The following IKZF2 variants were observed in gnomAD, a reference collection of about 807,000 sequenced individuals.
IKZF2 encodes the protein IKAROS family zinc finger 2.
In IKZF2, 15 loss-of-function variants were observed where a neutral mutation model predicts 49.2. The observed-to-expected ratio is 0.30, with a 90% CI of 0.20 to 0.47. IKZF2 has a LOEUF of 0.47. Ranked by LOEUF, IKZF2 falls within the 20% of genes least tolerant of loss-of-function variation. IKZF2 has a pLI of 1.00. For synonymous variants in IKZF2, 227 were observed against 221.4 expected, an observed-to-expected ratio of 1.03 and a Z score of -0.23; for missense variants, 567 against 664.6, an observed-to-expected ratio of 0.85 and a Z score of 1.61.
chr2:213,100,072 C>G (rs10187830), intron 4 of IKZF2, among the ~76,000 whole-genome samples: 53,574 of 151,926 alleles, frequency 0.35, 11,844 homozygotes, highest in East Asian at 0.73. Context: ...TGACACTAAG[C>G]ACATGGATAA....
At chr2:213,034,369 T>A (rs1698783973) in intron 6 of IKZF2, among the ~76,000 whole-genome samples, 1 of 152,254 alleles carries the variant, frequency 6.6e-6, no homozygotes. Flanking sequence ...GAGGCCTATC[T>A]TTTGGCATGT....
intron 4 of IKZF2, among the ~76,000 whole-genome samples, chr2:213,130,750 A>G (rs1336704457): frequency 6.6e-6 from 1 of 152,192 alleles, no homozygotes; most frequent in East Asian, 1.9e-4. Flanking sequence ...TTGCTTTCCT[A>G]TATATGCCAG....
chr2:213,001,293 T>C lies in IKZF2; in HGVS notation c.*6067A>G, dbSNP rs1193860752. Reference sequence around the variant, plus strand: ...TAATGTTAAAGCATTTTTCTCCCAATTAGGAGAAAGTTAAGACTCTTTGCT... The same window carrying C: ...TAATGTTAAAGCATTTTTCTCCCAACTAGGAGAAAGTTAAGACTCTTTGCT... On this transcript the variant is annotated 3_prime_UTR_variant, in exon 9 of 9. Transcript: ENST00000434687. 1.3e-5 allele frequency: 2 copies of C among 151,980 alleles called. No individual in the cohort carries two copies. Among genetic ancestry groups the C allele is most frequent in the Non-Finnish European group, 3.0e-5 (2 of 67,594 alleles). The allele number at this position is 151,980 out of a possible 1,614,324, so 9.4% of individuals were successfully genotyped here. A position where few individuals can be genotyped will look rare whatever the true frequency, so the allele number is the denominator to read the frequency against.
At chr2:213,039,377 T>G (rs1699388928) in intron 6 of IKZF2, among the ~76,000 whole-genome samples, 1 of 152,028 alleles carries the variant, frequency 6.6e-6, no homozygotes, top group South Asian at 2.1e-4. Flanking sequence ...ACTAAAAATG[T>G]TTTTTAGTTG....
At chr2:213,030,212 T>A (rs890836399) in intron 6 of IKZF2, among the ~76,000 whole-genome samples, 2 of 152,178 alleles carry the variant, frequency 1.3e-5, no homozygotes, top group Non-Finnish European at 2.9e-5. Flanking sequence ...TTTACTGTTT[T>A]AAGTTTTAAA....
intron 6 of IKZF2, among the ~76,000 whole-genome samples, chr2:213,046,908 T>A (rs1220170411): frequency 6.6e-6 from 1 of 152,040 alleles, no homozygotes; most frequent in Non-Finnish European, 1.5e-5. Context: ...ACAGAAACTA[T>A]GAACAGATTC....
chr2:213,023,222 A>G (rs1307087043), intron 6 of IKZF2, among the ~76,000 whole-genome samples: 1 of 152,200 alleles, frequency 6.6e-6, no homozygotes, highest in Non-Finnish European at 1.5e-5. Context: ...CCCTAACTCC[A>G]GTTAACTTAT....
chr2:213,083,970 C>A (rs1287630281), intron 4 of IKZF2, among the ~76,000 whole-genome samples: 1 of 152,060 alleles, frequency 6.6e-6, no homozygotes, highest in Admixed American at 6.5e-5. Context: ...AACCATCCCC[C>A]ACTAACCCTC....
intron 4 of IKZF2, among the ~76,000 whole-genome samples, chr2:213,103,382 T>C (rs558413481): frequency 1.3e-5 from 2 of 152,260 alleles, no homozygotes; most frequent in East Asian, 3.9e-4. Context: ...ATAAAAAGTA[T>C]TATATGAATA....
intron 4 of IKZF2, among the ~76,000 whole-genome samples, chr2:213,118,967 A>T (rs182146918): frequency 6.6e-6 from 1 of 152,338 alleles, no homozygotes; most frequent in East Asian, 1.9e-4. Flanking sequence ...ATAAAACAAC[A>T]GTAATCTATT....
chr2:213,060,402 C>T (rs980734464), intron 4 of IKZF2, among the ~76,000 whole-genome samples: 13 of 151,330 alleles, frequency 8.6e-5, no homozygotes, highest in African/African-American at 3.1e-4. Context: ...CTATTAACCA[C>T]TGTACAATAA....
At chr2:213,087,094 G>A (rs143326640) in intron 4 of IKZF2, among the ~76,000 whole-genome samples, 1 of 152,176 alleles carries the variant, frequency 6.6e-6, no homozygotes, top group East Asian at 1.9e-4. Context: ...CTTAGGTTTT[G>A]AAACAAAAGG....
At chr2:213,147,865 T>G in intron 3 of IKZF2, 53 bp from the exon 4 acceptor site, 1 of 1,364,342 alleles carries the variant, frequency 7.3e-7, no homozygotes. Flanking sequence ...ACATAAGATG[T>G]AATTACTAAC....
intron 4 of IKZF2, among the ~76,000 whole-genome samples, chr2:213,093,645 T>A (rs1413853343): frequency 6.6e-6 from 1 of 152,216 alleles, no homozygotes; most frequent in Non-Finnish European, 1.5e-5. Context: ...TAGAGCCTTG[T>A]CTGTTTTGTT....
At chr2:213,044,404 G>C (rs1037902600) in intron 6 of IKZF2, among the ~76,000 whole-genome samples, 2 of 152,268 alleles carry the variant, frequency 1.3e-5, no homozygotes, top group African/African-American at 4.8e-5. Context: ...GACTGATAAA[G>C]AGTTACTGAT....
chr2:213,067,326 T>C (rs1028355954), intron 4 of IKZF2, among the ~76,000 whole-genome samples: 1 of 152,038 alleles, frequency 6.6e-6, no homozygotes, highest in Non-Finnish European at 1.5e-5. Flanking sequence ...TGCAGAAGGC[T>C]TTATGAAGGA....
chr2:213,109,189 ATT>A (rs1318456344), intron 4 of IKZF2, among the ~76,000 whole-genome samples: 2 of 152,130 alleles, frequency 1.3e-5, no homozygotes, highest in Admixed American at 6.6e-5. Context: ...TTTAGAAGTG[ATT>A]TTAACACTTG....
In IKZF2 at chr2:213,148,615, A is replaced by T; in HGVS notation, c.15T>A (p.Ala5=). Residue 5 remains alanine, a synonymous_variant, in exon 3 of 9, where the codon GCT becomes GCA. Coordinates refer to ENST00000434687, the MANE Select transcript of IKZF2 (RefSeq NM_001387220.1). METE[A]IDGYITCDNE... The stretch of plus-strand genomic sequence containing the variant: ...ACTTACACGTTATATAGCCATCAAT[A>T]GCCTCTGTTTCCATAGTCAAAGTGC... 6.2e-7 allele frequency: 1 copy of T among 1,612,340 alleles called. No homozygotes were observed. Among genetic ancestry groups the T allele is most frequent in the Non-Finnish European group, 8.5e-7 (1 of 1,178,488 alleles).
intron 4 of IKZF2, among the ~76,000 whole-genome samples, chr2:213,065,832 A>T (rs184644991): frequency 6.6e-6 from 1 of 152,210 alleles, no homozygotes; most frequent in East Asian, 1.9e-4. Flanking sequence ...AGTAAAGAAA[A>T]AAAACAGATG....
Sources: gnomAD v4.1 joint callset for allele counts (sites outside exome capture counted in the v4.1 genomes callset) on GRCh38, gnomAD v4.1.1 for gene constraint, MANE v1.5 for transcripts, NCBI Gene and HGNC (gene_info 2026-07-23, HGNC 2026-07-21) for gene names.